Variants in CCDC91 observed in about 807,000 individuals in gnomAD.
CCDC91 encodes coiled-coil domain-containing protein 91.
In CCDC91, 48 loss-of-function variants were observed where a neutral mutation model predicts 63.2. The observed-to-expected ratio is 0.76, with a 90% CI of 0.60 to 0.97. The LOEUF is 0.97. CCDC91 is among the 50% of genes least tolerant of loss of function. The probability of loss-of-function intolerance (pLI) is 0.00; values close to 1 mark genes in which losing one functional copy is unlikely to be tolerated. For synonymous variants in CCDC91, 167 were observed against 165.8 expected (o/e 1.01, Z -0.06); for missense variants, 500 against 494.6 (o/e 1.01, Z -0.10).
chr12:28,459,166 G>T (rs1950192397), intron 11 of CCDC91, among the ~76,000 whole-genome samples: 1 of 151,838 alleles, frequency 6.6e-6, no homozygotes, highest in East Asian at 1.9e-4. Flanking sequence ...TTCCTGACTG[G>T]CAAAACCCAC....
chr12:28,419,838 C>G (rs1947896906), intron 8 of CCDC91, among the ~76,000 whole-genome samples: 1 of 151,748 alleles, frequency 6.6e-6, no homozygotes, highest in Non-Finnish European at 1.5e-5. Flanking sequence ...CTCACCATAG[C>G]CTTAACCTGC....
chr12:28,533,942 T>C (rs1439524677), intron 12 of CCDC91, among the ~76,000 whole-genome samples: 1 of 152,138 alleles, frequency 6.6e-6, no homozygotes, highest in Non-Finnish European at 1.5e-5. Flanking sequence ...TTTTTTCTTA[T>C]ACTTGTTTTA....
At chr12:28,219,111 G>A (rs1943762700) in intron 1 of CCDC91, among the ~76,000 whole-genome samples, 1 of 152,074 alleles carries the variant, frequency 6.6e-6, no homozygotes, top group African/African-American at 2.4e-5. Context: ...ACCAACACTT[G>A]ATATTGTGAA....
At chr12:28,305,118 T>C (rs988636151) in intron 3 of CCDC91, among the ~76,000 whole-genome samples, 7 of 152,140 alleles carry the variant, frequency 4.6e-5, no homozygotes, top group African/African-American at 1.7e-4. Flanking sequence ...GTAATTGTTC[T>C]TTCCCCTTAC....
chr12:28,344,108 GTGAAATTTT>G (rs1942634426), intron 6 of CCDC91, among the ~76,000 whole-genome samples: 1 of 152,024 alleles, frequency 6.6e-6, no homozygotes, highest in Non-Finnish European at 1.5e-5. Context: ...ATAGTGCAGT[GTGAAATTTT>G]TGGAGCATAC....
intron 8 of CCDC91, among the ~76,000 whole-genome samples, chr12:28,411,175 T>G (rs1947295126): frequency 6.6e-6 from 1 of 152,188 alleles, no homozygotes; most frequent in African/African-American, 2.4e-5. Context: ...ATGTCCATTC[T>G]TCTGAAATAC....
intron 12 of CCDC91, among the ~76,000 whole-genome samples, chr12:28,492,264 G>C (rs565923081): frequency 2.6e-5 from 4 of 151,592 alleles, no homozygotes; most frequent in African/African-American, 9.7e-5. Context: ...TTAATAGTTG[G>C]AGCACTGTGC....
rs548442394 is a variant in CCDC91, at chr12:28,282,642, G to T, written c.110-23007G>T. On this transcript the variant is annotated intron_variant, in intron 3 of 12. Coordinates refer to ENST00000536442, the MANE Select transcript of CCDC91 (RefSeq NM_018318.5). ...TAGATATCCTCTAGTGTGATTGCTG[G>T]ATCAAATGGTAGCTCTACTCTTAGT... is the stretch of plus-strand genomic sequence containing the variant. Among the ~76,000 whole-genome samples the T allele has an allele frequency of 6.6e-5, 10 of 152,164 alleles. No homozygotes were observed. The South Asian group carries it at 2.1e-3, about 32-fold the overall frequency.
intron 12 of CCDC91, among the ~76,000 whole-genome samples, chr12:28,502,359 G>A (rs1363029914): frequency 1.3e-5 from 2 of 151,852 alleles, no homozygotes; most frequent in Non-Finnish European, 2.9e-5. Flanking sequence ...AAAGTACCTA[G>A]GAATCCAACT....
intron 11 of CCDC91, among the ~76,000 whole-genome samples, chr12:28,455,190 T>G (rs1050149081): frequency 6.6e-6 from 1 of 152,104 alleles, no homozygotes; most frequent in African/African-American, 2.4e-5. Context: ...AGAAGATGCT[T>G]TTTAGGACTT....
At chr12:28,397,079 A>G (rs1946338322) in intron 8 of CCDC91, among the ~76,000 whole-genome samples, 2 of 152,198 alleles carry the variant, frequency 1.3e-5, no homozygotes, top group Admixed American at 1.3e-4. Flanking sequence ...CATATAAGGG[A>G]TAGGCTAAGA....
intron 1 of CCDC91, among the ~76,000 whole-genome samples, chr12:28,208,632 A>G (rs543278550): frequency 6.6e-6 from 1 of 152,314 alleles, no homozygotes; most frequent in African/African-American, 2.4e-5. Context: ...TATGAAATAG[A>G]ATCCAGGTTA....
chr12:28,264,637 T>A (rs1042405747), intron 3 of CCDC91, among the ~76,000 whole-genome samples: 2 of 138,402 alleles, frequency 1.4e-5, no homozygotes, highest in African/African-American at 5.1e-5. Context: ...ATTTCTTCCT[T>A]TTCCCCCTCC....
At chr12:28,468,429 A>T (rs1950645514) in intron 11 of CCDC91, among the ~76,000 whole-genome samples, 1 of 152,002 alleles carries the variant, frequency 6.6e-6, no homozygotes, top group Non-Finnish European at 1.5e-5. Context: ...ATAAGAAATA[A>T]GGAGATTAAA....
At chr12:28,201,329 A>G (rs878968732) in intron 1 of CCDC91, among the ~76,000 whole-genome samples, 1 of 141,746 alleles carries the variant, frequency 7.1e-6, no homozygotes, top group Non-Finnish European at 1.5e-5. Flanking sequence ...CCGGGCAGAG[A>G]CGCTCCTCAC....
At chr12:28,323,321 G>C (rs1940694341) in intron 6 of CCDC91, among the ~76,000 whole-genome samples, 1 of 151,746 alleles carries the variant, frequency 6.6e-6, no homozygotes, top group African/African-American at 2.4e-5. Context: ...GATAGAGTGA[G>C]ATAGAGTCTA....
Position 28,362,364 on chromosome 12 carries a change from A to G in CCDC91, c.577-74A>G, listed in dbSNP as rs1943954559. 4.7e-6 allele frequency: 5 copies of G among 1,057,330 alleles called. No homozygotes were observed. The Admixed American group carries it at 7.5e-5, about 16-fold the overall frequency. The allele number at this position is 1,057,330 out of a possible 1,614,324, so 65.5% of individuals were successfully genotyped here. A position where few individuals can be genotyped will look rare whatever the true frequency, so the allele number is the denominator to read the frequency against. On this transcript the variant is annotated intron_variant, in intron 6 of 12. Transcript: ENST00000536442. ...CACTGAATCATTCGTGGAAGCAGCA[A>G]AAGTCTATGGTTTTATTATTTTGAA...
intron 12 of CCDC91, among the ~76,000 whole-genome samples, chr12:28,545,905 T>A (rs780534092): frequency 6.6e-6 from 1 of 152,134 alleles, no homozygotes; most frequent in Non-Finnish European, 1.5e-5. Context: ...CTATATTCCC[T>A]CAAAAGGAGA....
At position 28,305,738 on chromosome 12, in the gene CCDC91, A is replaced by G. The variant is rs773689710; in HGVS notation, c.199A>G (p.Ile67Val). Residue 67 changes from isoleucine to valine, a missense_variant, in exon 4 of 13, where the codon ATT becomes GTT. Coordinates refer to ENST00000536442, the MANE Select transcript of CCDC91 (RefSeq NM_018318.5). ...SSIGCLSSDA[I>V]ISSPENTHAA... ...CATTGGCTGCCTCTCTTCTGATGCCATTATTTCATCACCAGAGAATACACA... is the reference window on the plus strand; with the variant it reads ...CATTGGCTGCCTCTCTTCTGATGCCGTTATTTCATCACCAGAGAATACACA... 7 of 1,613,136 alleles carry G rather than the reference A, an allele frequency of 4.3e-6. No homozygotes were observed. Among genetic ancestry groups the G allele is most frequent in the South Asian group, 3.3e-5 (3 of 91,056 alleles).
Sources: gnomAD v4.1 joint callset for allele counts (sites outside exome capture counted in the v4.1 genomes callset) on GRCh38, gnomAD v4.1.1 for gene constraint, MANE v1.5 for transcripts, NCBI Gene and HGNC (gene_info 2026-07-23, HGNC 2026-07-21) for gene names.